SIPA1L3: variants seen among roughly 807,000 people sequenced by gnomAD.
SIPA1L3 encodes signal-induced proliferation-associated 1-like protein 3.
In SIPA1L3, 59 loss-of-function variants were observed where a neutral mutation model predicts 150.1. The ratio of observed to expected loss-of-function variants is 0.39; its 90% CI spans 0.32 to 0.49. The LOEUF is 0.49. Ranked by LOEUF, SIPA1L3 falls within the 20% of genes least tolerant of loss-of-function variation. The probability of loss-of-function intolerance (pLI) is 0.86; values close to 1 mark genes in which losing one functional copy is unlikely to be tolerated. For missense variants in SIPA1L3, 2,211 were observed against 2,489.5 expected, an observed-to-expected ratio of 0.89 and a Z score of 2.38; for synonymous variants, 1,070 against 1,077.6, an observed-to-expected ratio of 0.99 and a Z score of 0.14.
intron 6 of SIPA1L3, among the ~76,000 whole-genome samples, chr19:38,104,424 C>G (rs1970575047): frequency 6.6e-6 from 1 of 152,198 alleles, no homozygotes; most frequent in African/African-American, 2.4e-5. Flanking sequence ...AGCTTTGCCC[C>G]AAACATCCTG....
At chr19:38,143,777 G>A (rs974008592) in intron 12 of SIPA1L3, among the ~76,000 whole-genome samples, 3 of 151,880 alleles carry the variant, frequency 2.0e-5, no homozygotes, top group African/African-American at 4.8e-5. Flanking sequence ...GGCCTCAAGC[G>A]ATCCGCCTGC....
chr19:37,953,641 G>A (rs544847025), intron 1 of SIPA1L3, among the ~76,000 whole-genome samples: 2 of 152,194 alleles, frequency 1.3e-5, no homozygotes, highest in African/African-American at 2.4e-5. Flanking sequence ...TTGACCTATC[G>A]GTTCAGAAAA....
chr19:38,173,610 C>T (rs1972375850), intron 15 of SIPA1L3: 1 of 152,294 alleles, frequency 6.6e-6, no homozygotes, highest in African/African-American at 2.4e-5. Context: ...AGCACGTGGC[C>T]TTGCTTCCCC....
At chr19:38,060,524 G>C (rs1160627851) in intron 2 of SIPA1L3, among the ~76,000 whole-genome samples, 1 of 152,186 alleles carries the variant, frequency 6.6e-6, no homozygotes, top group Non-Finnish European at 1.5e-5. Context: ...TGGACAGTTT[G>C]GGAGCCCCAG....
At chr19:38,161,802 C>T (rs1036321666) in intron 13 of SIPA1L3, among the ~76,000 whole-genome samples, 2 of 151,740 alleles carry the variant, frequency 1.3e-5, no homozygotes, top group African/African-American at 4.8e-5. Flanking sequence ...CATCCCAGCA[C>T]TTTGGGAAGC....
chr19:37,999,577 A>G (rs1204367515), intron 1 of SIPA1L3, among the ~76,000 whole-genome samples: 4 of 152,088 alleles, frequency 2.6e-5, no homozygotes, highest in Non-Finnish European at 5.9e-5. Context: ...TCCGCAGTCC[A>G]TCTGGCACTG....
chr19:37,957,514 A>AT (rs568333055), intron 1 of SIPA1L3, among the ~76,000 whole-genome samples: 3 of 148,572 alleles, frequency 2.0e-5, no homozygotes, highest in African/African-American at 5.0e-5. Context: ...ATTCTTATGT[A>AT]TTTTTTTTAT....
chr19:38,147,153 C>T (rs1971717996), intron 12 of SIPA1L3, among the ~76,000 whole-genome samples: 1 of 152,046 alleles, frequency 6.6e-6, no homozygotes, highest in African/African-American at 2.4e-5. Context: ...CTTCTGCCTC[C>T]CAGGTTCAAG....
intron 1 of SIPA1L3, among the ~76,000 whole-genome samples, chr19:37,937,817 T>A (rs185788691): frequency 0.024 from 3,148 of 131,340 alleles, 121 homozygotes; most frequent in African/African-American, 0.086. Context: ...GAGGCTGAGG[T>A]GGGCAGATCA....
chr19:38,204,327 G>A (rs908162660), intron 21 of SIPA1L3, 119 bp downstream of exon 21: 10 of 724,682 alleles, frequency 1.4e-5, no homozygotes, highest in Admixed American at 2.3e-5. Context: ...CACCTCCTGT[G>A]TTTGAGTGTA....
At chr19:38,062,804 A>T (rs1444955047) in intron 2 of SIPA1L3, among the ~76,000 whole-genome samples, 6 of 152,104 alleles carry the variant, frequency 3.9e-5, no homozygotes, top group Non-Finnish European at 7.4e-5. Flanking sequence ...TATTTTTAGT[A>T]GAGACAGAGT....
intron 18 of SIPA1L3, among the ~76,000 whole-genome samples, chr19:38,195,911 C>G (rs544656557): frequency 6.6e-6 from 1 of 151,782 alleles, no homozygotes; most frequent in African/African-American, 2.4e-5. Flanking sequence ...ACCACCATAC[C>G]GGGGGCCCCC....
intron 4 of SIPA1L3, among the ~76,000 whole-genome samples, chr19:38,099,466 G>A (rs1379439367): frequency 6.6e-6 from 1 of 151,956 alleles, no homozygotes; most frequent in Admixed American, 6.6e-5. Flanking sequence ...ATAATACAGT[G>A]TTACTGTAAT....
intron 1 of SIPA1L3, among the ~76,000 whole-genome samples, chr19:37,949,557 C>G (rs2046742740): frequency 6.6e-6 from 1 of 151,984 alleles, no homozygotes; most frequent in Admixed American, 6.6e-5. Context: ...CCCAGCTATT[C>G]CGGAGATTGA....
chr19:38,135,173 C>T (rs1252686791), intron 10 of SIPA1L3, among the ~76,000 whole-genome samples: 1 of 152,212 alleles, frequency 6.6e-6, no homozygotes. Context: ...CACGGGCATG[C>T]GAGTGATGTC....
chr19:38,143,896 A>G (rs1435847897), intron 12 of SIPA1L3, among the ~76,000 whole-genome samples: 3 of 152,012 alleles, frequency 2.0e-5, no homozygotes, highest in Admixed American at 2.0e-4. Context: ...CACCACTCCC[A>G]GAGCCCTCAG....
At chr19:38,089,518 T>C (rs982649851) in intron 4 of SIPA1L3, among the ~76,000 whole-genome samples, 3 of 152,092 alleles carry the variant, frequency 2.0e-5, no homozygotes, top group African/African-American at 7.2e-5. Context: ...TTTAGGAACA[T>C]GAGGTGTCCT....
At chr19:37,931,161 A>T (rs1423474259) in intron 1 of SIPA1L3, among the ~76,000 whole-genome samples, 1 of 152,200 alleles carries the variant, frequency 6.6e-6, no homozygotes, top group Non-Finnish European at 1.5e-5. Context: ...GCAGCATGTG[A>T]TAAGTGCAGC....
rs573060018 is a variant in SIPA1L3 at position 38,077,598 on chromosome 19, G to A, written c.-310-3658G>A. 1.1e-3 allele frequency among the ~76,000 whole-genome samples: 161 copies of A among 150,422 alleles called. 2 individuals are homozygous for A. The highest frequency in any genetic ancestry group is 3.7e-3 in the African/African-American group (151 of 40,958). Reference sequence around the variant, plus strand: ...CTATTAGTTTTTTGAAAATTCTTCCGATCATCTCTGCATGATAGTTTGTTG... The same window carrying A: ...CTATTAGTTTTTTGAAAATTCTTCCAATCATCTCTGCATGATAGTTTGTTG... On this transcript the variant is annotated intron_variant, in intron 2 of 21. Transcript: ENST00000222345.
Sources: gnomAD v4.1 joint callset for allele counts (sites outside exome capture counted in the v4.1 genomes callset) on GRCh38, gnomAD v4.1.1 for gene constraint, MANE v1.5 for transcripts, NCBI Gene and HGNC (gene_info 2026-07-23, HGNC 2026-07-21) for gene names.